The following UNKL variants were observed in gnomAD, a reference collection of about 807,000 sequenced individuals.
UNKL encodes putative E3 ubiquitin-protein ligase UNKL.
Under a neutral mutation model 78.0 loss-of-function variants are expected in UNKL, and 60 were observed. The ratio of observed to expected loss-of-function variants is 0.77; its 90% CI spans 0.63 to 0.95. The LOEUF is 0.95. Ranked by LOEUF, UNKL falls within the 40% of genes least tolerant of loss-of-function variation. The pLI is 0.00. For missense variants in UNKL, 1,159 were observed against 1,045.7 expected, an observed-to-expected ratio of 1.11 and a Z score of -1.49; for synonymous variants, 608 against 474.8, an observed-to-expected ratio of 1.28 and a Z score of -3.65.
At position 1,387,676 on chromosome 16, in the gene UNKL, GC is replaced by G. The variant is rs1021679855; in HGVS notation, c.1087-2292del. 3.9e-4 allele frequency among the ~76,000 whole-genome samples: 59 copies of G among 152,254 alleles called. No individual in the cohort carries two copies. Among genetic ancestry groups the G allele is most frequent in the African/African-American group, 1.3e-3 (56 of 41,548 alleles). ...CAGCAGCTATCACTCAGAACCAAAA[GC>G]TCAGGATGGCAACGCACGGCCCTCC... On this transcript the variant is annotated intron_variant, in intron 9 of 14. Transcript: ENST00000389221. The surrounding 1 kb of genome is among the most constrained non-coding windows in gnomAD (Gnocchi z 4.1).
rs77471952 is a variant in UNKL at position 1,403,865 on chromosome 16, G to T, written c.288-521C>A. 6.6e-6 allele frequency among the ~76,000 whole-genome samples: 1 copy of T among 152,130 alleles called. No homozygotes were observed. Among genetic ancestry groups the T allele is most frequent in the African/African-American group, 2.4e-5 (1 of 41,438 alleles). ...GACGCGGCTTGGGGGACACGAGGGG[G>T]ATGGGCAGAAGAGGCGGCAGATGGC... is the stretch of plus-strand genomic sequence containing the variant. On this transcript the variant is annotated intron_variant, in intron 2 of 14. Transcript: ENST00000389221. This position sits in a 1 kb window ranked among gnomAD's most constrained non-coding sequence, Gnocchi z 4.8.
chr16:1,400,417 CAAAAAAAAAAAAAAAAAAAAA>C lies in UNKL; in HGVS notation c.599-929_599-909del, dbSNP rs56093103. ...TGGGTGACAGAGCGAGACTCCATCT[CAAAAAAAAAAAAAAAAAAAAA>C]AAAAAAAAAAAAAAAAATCGCTGCC... is the stretch of plus-strand genomic sequence containing the variant. On this transcript the variant is annotated intron_variant, in intron 4 of 14. Transcript: ENST00000389221. Among the ~76,000 whole-genome samples the C allele has an allele frequency of 7.7e-3, 238 of 30,800 alleles. 2 individuals carry two copies. Among genetic ancestry groups the C allele is most frequent in the African/African-American group, 0.02 (221 of 11,226 alleles). The allele number at this position is 30,800 out of a possible 152,430, so 20.2% of individuals were successfully genotyped here.
At chr16:1,370,058 C>G in intron 12 of UNKL, 72 bp downstream of exon 12, 3 of 1,550,250 alleles carry the variant, frequency 1.9e-6, no homozygotes, top group Admixed American at 2.0e-5. Flanking sequence ...GCCCCTCAGT[C>G]AGGACGGCAT....
rs1198495712 is a variant in UNKL at position 1,399,594 on chromosome 16, G to A, written c.599-85C>T. On this transcript the variant is annotated intron_variant, in intron 4 of 14. Coordinates refer to ENST00000389221, the MANE Select transcript of UNKL (RefSeq NM_001372107.1). The surrounding 1 kb of genome is among the most constrained non-coding windows in gnomAD (Gnocchi z 5.8). ...AGACCAAAGGTGGAAGGACCTGGCT[G>A]TCCCCCAAATGGAAGGGGCTGCAGG... is the stretch of plus-strand genomic sequence containing the variant. 1.3e-6 allele frequency: 2 copies of A among 1,530,172 alleles called. No homozygotes were observed. The highest frequency in any genetic ancestry group is 1.4e-5 in the African/African-American group (1 of 72,670). The allele number at this position is 1,530,172 out of a possible 1,614,324, so 94.8% of individuals were successfully genotyped here.
At chr16:1,393,676 C>T (rs893438959) in intron 7 of UNKL, among the ~76,000 whole-genome samples, 1 of 152,226 alleles carries the variant, frequency 6.6e-6, no homozygotes, top group Non-Finnish European at 1.5e-5. Flanking sequence ...TCTGCTGTCT[C>T]CCCGAGCTGG....
At chr16:1,375,257 C>T (rs1377923816) in intron 10 of UNKL, among the ~76,000 whole-genome samples, 1 of 152,244 alleles carries the variant, frequency 6.6e-6, no homozygotes, top group African/African-American at 2.4e-5. Context: ...AATCTGGCCG[C>T]GCTCAGCAGC....
At chr16:1,404,058 C>T (rs1226891858) in intron 2 of UNKL, among the ~76,000 whole-genome samples, 1 of 152,170 alleles carries the variant, frequency 6.6e-6, no homozygotes, top group Admixed American at 6.6e-5. Context: ...GCGACGGAGA[C>T]AAGGAGACGA....
chr16:1,400,916 T>TG (rs2037497608), intron 4 of UNKL, among the ~76,000 whole-genome samples: 1 of 152,192 alleles, frequency 6.6e-6, no homozygotes, highest in Non-Finnish European at 1.5e-5. Flanking sequence ...CTCAAACTCC[T>TG]GACCTCAAGT....
At chr16:1,409,963 C>G (rs555115423) in intron 2 of UNKL, among the ~76,000 whole-genome samples, 10 of 152,122 alleles carry the variant, frequency 6.6e-5, no homozygotes, top group African/African-American at 2.4e-4. Flanking sequence ...GCCTGTAATC[C>G]CAGCTACTCA....
At chr16:1,383,264 C>T (rs2036673636) in intron 10 of UNKL, among the ~76,000 whole-genome samples, 1 of 144,938 alleles carries the variant, frequency 6.9e-6, no homozygotes, top group Non-Finnish European at 1.5e-5. Context: ...AAGAGAGAAA[C>T]TCCGTCTCAA....
At chr16:1,370,768 ATGT>A (rs1460042439) in intron 11 of UNKL, among the ~76,000 whole-genome samples, 1 of 152,206 alleles carries the variant, frequency 6.6e-6, no homozygotes, top group African/African-American at 2.4e-5. Flanking sequence ...GAATGAAAAG[ATGT>A]TGTATACGAT....
rs1325187037 is a variant in UNKL at position 1,401,777 on chromosome 16, C to T, written c.465-76G>A. 106 of 1,523,976 alleles carry T rather than the reference C, an allele frequency of 7.0e-5. 1 individual carries two copies. Among genetic ancestry groups the T allele is most frequent in the Non-Finnish European group, 6.4e-5 (72 of 1,132,678 alleles). 94.4% of individuals were successfully genotyped at this position (1,523,976 alleles called of 1,614,324 possible). On this transcript the variant is annotated intron_variant, in intron 3 of 14. Coordinates refer to ENST00000389221, the MANE Select transcript of UNKL (RefSeq NM_001372107.1). Reference sequence around the variant, plus strand: ...GCTGAAACGAGGTCACTGGAGGGCACGCTCCCCTCCCACCACTGCACAGAG... The same window carrying T: ...GCTGAAACGAGGTCACTGGAGGGCATGCTCCCCTCCCACCACTGCACAGAG...
chr16:1,395,364 C>G (rs1385840024), intron 6 of UNKL, among the ~76,000 whole-genome samples: 1 of 152,044 alleles, frequency 6.6e-6, no homozygotes, highest in Non-Finnish European at 1.5e-5. Context: ...GACGGGTTCA[C>G]CATGTTGGCC....
At chr16:1,408,115 CA>C (rs1287390769) in intron 2 of UNKL, among the ~76,000 whole-genome samples, 1 of 151,744 alleles carries the variant, frequency 6.6e-6, no homozygotes. Context: ...AAAAGAAAAA[CA>C]AAAAAAAGAT....
chr16:1,382,773 C>T (rs1315719347), intron 10 of UNKL, among the ~76,000 whole-genome samples: 2 of 150,084 alleles, frequency 1.3e-5, no homozygotes, highest in African/African-American at 2.4e-5. Flanking sequence ...GCCTGGCCAA[C>T]GTGGTGAAAC....
At chr16:1,367,531 C>A in intron 13 of UNKL, 125 bp downstream of exon 13, 2 of 882,508 alleles carry the variant, frequency 2.3e-6, no homozygotes, top group Non-Finnish European at 3.2e-6. Flanking sequence ...GTCTCACCCC[C>A]CACACGCTCA....
At chr16:1,397,021 A>T in intron 6 of UNKL, 157 bp downstream of exon 6, 2 of 720,154 alleles carry the variant, frequency 2.8e-6, no homozygotes, top group Non-Finnish European at 2.3e-6. Context: ...GCAAGCAGGT[A>T]CAGCCCTCAT....
At chr16:1,404,432 C>T (rs150679678) in intron 2 of UNKL, among the ~76,000 whole-genome samples, 75 of 152,298 alleles carry the variant, frequency 4.9e-4, no homozygotes, top group Middle Eastern at 3.4e-3. Context: ...AACAGAGACA[C>T]AGAGTTCAGA....
intron 4 of UNKL, among the ~76,000 whole-genome samples, chr16:1,400,092 G>A (rs557604547): frequency 2.3e-4 from 35 of 152,098 alleles, no homozygotes; most frequent in South Asian, 8.3e-4. Flanking sequence ...GCTGTGAACC[G>A]GAAACCGCTC....
Sources: gnomAD v4.1 joint callset for allele counts (sites outside exome capture counted in the v4.1 genomes callset) on GRCh38, gnomAD v4.1.1 for gene constraint, Gnocchi (gnomAD v3.1) non-coding constraint, MANE v1.5 for transcripts, NCBI Gene and HGNC (gene_info 2026-07-23, HGNC 2026-07-21) for gene names.